KIAA1958: variants seen among roughly 807,000 people sequenced by gnomAD.
KIAA1958 encodes uncharacterized protein KIAA1958.
Under a neutral mutation model 47.2 loss-of-function variants are expected in KIAA1958, and 14 were observed. That is an observed-to-expected ratio of 0.30 (90% CI 0.20 to 0.46). The LOEUF is 0.46. Among genes scored for constraint, KIAA1958 ranks in the 20% least tolerant of loss-of-function variants. The pLI is 1.00. For synonymous variants in KIAA1958, 354 were observed against 353.3 expected (o/e 1.00, Z -0.02); for missense variants, 803 against 909.2 (o/e 0.88, Z 1.50).
intron 2 of KIAA1958, among the ~76,000 whole-genome samples, chr9:112,575,994 T>A (rs187850211): frequency 1.3e-5 from 2 of 152,312 alleles, no homozygotes; most frequent in East Asian, 3.9e-4. Flanking sequence ...CATGACTCAA[T>A]TCTAGTAGGC....
chr9:112,623,235 G>GCACTGACA (rs1476086560), intron 2 of KIAA1958, among the ~76,000 whole-genome samples: 9 of 152,294 alleles, frequency 5.9e-5, no homozygotes, highest in South Asian at 4.1e-4. Context: ...CACCTCTTGA[G>GCACTGACA]CACTGACAAT....
chr9:112,584,062 T>C lies in KIAA1958; in HGVS notation c.1171+8811T>C, dbSNP rs1264735645. On this transcript the variant is annotated intron_variant, in intron 2 of 3. Coordinates refer to ENST00000337530, the MANE Select transcript of KIAA1958 (RefSeq NM_133465.4). ...GCCTGAACAACAGCAAGACCCAGTC[T>C]CTTAAAAAAAAAAATCTGAGTGATG... Among the ~76,000 whole-genome samples the C allele has an allele frequency of 2.0e-5, 3 of 151,750 alleles. No individual in the cohort carries two copies. In the East Asian group the frequency reaches 5.8e-4, roughly 29 times the overall value.
chr9:112,488,361 G>A (rs187484441), intron 1 of KIAA1958, among the ~76,000 whole-genome samples: 7 of 152,260 alleles, frequency 4.6e-5, no homozygotes, highest in African/African-American at 1.4e-4. Flanking sequence ...AGCTAGCTAA[G>A]TTTCTTCATG....
intron 2 of KIAA1958, among the ~76,000 whole-genome samples, chr9:112,597,558 T>A (rs760381716): frequency 6.6e-6 from 1 of 152,222 alleles, no homozygotes; most frequent in Non-Finnish European, 1.5e-5. Context: ...CAACTTTCCC[T>A]GAGTTTGCTT....
At chr9:112,620,470 A>C (rs1263029712) in intron 2 of KIAA1958, among the ~76,000 whole-genome samples, 1 of 152,188 alleles carries the variant, frequency 6.6e-6, no homozygotes, top group African/African-American at 2.4e-5. Context: ...GAGCTCTCCC[A>C]TGGTCAGGGA....
At chr9:112,487,716 C>T (rs1833887071) in intron 1 of KIAA1958, among the ~76,000 whole-genome samples, 1 of 151,970 alleles carries the variant, frequency 6.6e-6, no homozygotes, top group South Asian at 2.1e-4. Flanking sequence ...GCTCTTCCGC[C>T]CCCCCACCCC....
intron 2 of KIAA1958, among the ~76,000 whole-genome samples, chr9:112,580,173 G>A (rs910785345): frequency 2.0e-5 from 3 of 152,150 alleles, no homozygotes; most frequent in African/African-American, 4.8e-5. Flanking sequence ...GAGTGTGAGC[G>A]TGGGGTGGAA....
intron 2 of KIAA1958, among the ~76,000 whole-genome samples, chr9:112,577,368 C>G (rs1835663307): frequency 6.6e-6 from 1 of 152,056 alleles, no homozygotes; most frequent in African/African-American, 2.4e-5. Flanking sequence ...TGGTCCTTGA[C>G]TAATCTCATC....
At position 112,575,154 on chromosome 9, in the gene KIAA1958, T is replaced by G. The variant is rs1161460778; in HGVS notation, c.1074T>G (p.Ser358=). ...SQVSSCEVAL[S]PSVNTEPEVS... ...TCTCCTCCTGTGAGGTAGCCCTTTC[T>G]CCCTCAGTTAACACAGAGCCAGAAG... The change falls in exon 2 of 4, where the codon TCT becomes TCG. Residue 358 remains serine (S), a synonymous_variant. Coordinates refer to ENST00000337530, the MANE Select transcript of KIAA1958 (RefSeq NM_133465.4). 1 of 1,600,672 alleles carries G rather than the reference T, an allele frequency of 6.2e-7. No homozygotes were observed. Among genetic ancestry groups the G allele is most frequent in the South Asian group, 1.1e-5 (1 of 90,992 alleles).
rs1837320042 is a variant in KIAA1958, at chr9:112,664,110, T to C, written c.*4041T>C. 1 of 152,248 alleles carries C rather than the reference T, an allele frequency of 6.6e-6. No homozygotes were observed. Among genetic ancestry groups the C allele is most frequent in the African/African-American group, 2.4e-5 (1 of 41,472 alleles). The allele number at this position is 152,248 out of a possible 1,614,324, so 9.4% of individuals were successfully genotyped here. Reference sequence around the variant, plus strand: ...CTGCAATTCCTCAAGTTCATATTAATTAGGAAGTGGCAGAGCTAGGACACA... The same window carrying C: ...CTGCAATTCCTCAAGTTCATATTAACTAGGAAGTGGCAGAGCTAGGACACA... On this transcript the variant is annotated 3_prime_UTR_variant, in exon 4 of 4. Transcript: ENST00000337530.
At chr9:112,552,169 G>C (rs1296578139) in intron 1 of KIAA1958, among the ~76,000 whole-genome samples, 4 of 152,198 alleles carry the variant, frequency 2.6e-5, no homozygotes, top group African/African-American at 7.2e-5. Context: ...TTTTATTTGT[G>C]AGAGTATTGA....
At chr9:112,625,521 CTGT>C (rs763654862) in intron 2 of KIAA1958, among the ~76,000 whole-genome samples, 13 of 151,874 alleles carry the variant, frequency 8.6e-5, no homozygotes, top group Non-Finnish European at 1.3e-4. Flanking sequence ...TGCTCACACC[CTGT>C]TAGGGTGTGA....
At chr9:112,604,751 G>A (rs896785685) in intron 2 of KIAA1958, among the ~76,000 whole-genome samples, 8 of 152,060 alleles carry the variant, frequency 5.3e-5, no homozygotes, top group Non-Finnish European at 7.4e-5. Flanking sequence ...ATACTCAAGT[G>A]AAAGCTTGGG....
intron 2 of KIAA1958, among the ~76,000 whole-genome samples, chr9:112,611,361 A>G (rs1836323792): frequency 6.6e-6 from 1 of 152,184 alleles, no homozygotes; most frequent in Non-Finnish European, 1.5e-5. Context: ...AAGATTATCA[A>G]CTAAAAATCT....
Position 112,567,042 on chromosome 9 carries a change from G to T in KIAA1958, c.-24-7015G>T, listed in dbSNP as rs185410060. Among the ~76,000 whole-genome samples the T allele has an allele frequency of 1.8e-4, 28 of 152,266 alleles. 1 individual carries two copies. The East Asian group carries it at 4.2e-3, about 23-fold the overall frequency. ...TGACATAGAATTAAGGACCTTCCAA[G>T]AATTTATTTGTGGAATCTCTAATCT... On this transcript the variant is annotated intron_variant, in intron 1 of 3. Coordinates refer to ENST00000337530, the MANE Select transcript of KIAA1958 (RefSeq NM_133465.4).
At chr9:112,637,412 C>T (rs539830250) in intron 2 of KIAA1958, among the ~76,000 whole-genome samples, 13 of 152,068 alleles carry the variant, frequency 8.5e-5, no homozygotes, top group East Asian at 1.9e-4. Context: ...GATGGAGTTT[C>T]GCTCTTTTGC....
intron 2 of KIAA1958, among the ~76,000 whole-genome samples, chr9:112,637,073 A>G (rs1056164280): frequency 6.6e-6 from 1 of 152,160 alleles, no homozygotes; most frequent in African/African-American, 2.4e-5. Context: ...TTGTGTTTTC[A>G]TCATTTTTTG....
chr9:112,631,857 G>A (rs1168279622), intron 2 of KIAA1958, among the ~76,000 whole-genome samples: 1 of 152,120 alleles, frequency 6.6e-6, no homozygotes, highest in Non-Finnish European at 1.5e-5. Flanking sequence ...CCATTGCACA[G>A]ATGTGCCAAA....
rs113804535 is a variant in KIAA1958, at chr9:112,637,479, G to A, written c.1172-8171G>A. On this transcript the variant is annotated intron_variant, in intron 2 of 3. Coordinates refer to ENST00000337530, the MANE Select transcript of KIAA1958 (RefSeq NM_133465.4). ...TCACTGCAACCTCCTCCAGTTTCAAGCGACTCTCCTGCCTCAGCCTCCTTA... is the reference window on the plus strand; with the variant it reads ...TCACTGCAACCTCCTCCAGTTTCAAACGACTCTCCTGCCTCAGCCTCCTTA... Among the ~76,000 whole-genome samples, 5 of 152,066 alleles carry A rather than the reference G, an allele frequency of 3.3e-5. 1 individual carries two copies. Among genetic ancestry groups the A allele is most frequent in the African/African-American group, 1.2e-4 (5 of 41,488 alleles).
Sources: allele counts gnomAD v4.1 joint callset (sites outside exome capture counted in the v4.1 genomes callset), GRCh38; gene constraint gnomAD v4.1.1; transcripts MANE v1.5; gene names NCBI Gene and HGNC (gene_info 2026-07-23, HGNC 2026-07-21).